The following DCDC2C variants were observed in gnomAD, a reference collection of about 807,000 sequenced individuals.
The protein encoded by DCDC2C is doublecortin domain containing 2C, also known as doublecortin domain-containing protein 2C.
A neutral mutation model predicts 45.0 loss-of-function variants in DCDC2C; 44 were observed. The ratio of observed to expected loss-of-function variants is 0.98; its 90% CI spans 0.77 to 1.26. The LOEUF is 1.26. Among genes scored for constraint, DCDC2C ranks in the 50% most tolerant of loss-of-function variants. The pLI is 0.00. For synonymous variants in DCDC2C, 187 were observed against 178.8 expected, an observed-to-expected ratio of 1.05 and a Z score of -0.37; for missense variants, 447 against 468.9, an observed-to-expected ratio of 0.95 and a Z score of 0.43.
chr2:3,778,794 A>C, intron 8 of DCDC2C, 22 bp from the exon 9 acceptor site: 1 of 1,549,426 alleles, frequency 6.5e-7, no homozygotes. Context: ...AGTTGATAAA[A>C]TGTGGTGTAT....
chr2:3,826,858 T>C (rs941205840), intron 10 of DCDC2C, among the ~76,000 whole-genome samples: 3 of 152,188 alleles, frequency 2.0e-5, no homozygotes, highest in Admixed American at 6.5e-5. Context: ...CCTAATGCCA[T>C]GTGCATTGCA....
intron 6 of DCDC2C, 32 bp downstream of exon 6, chr2:3,754,666 T>C (rs1669640622): frequency 6.5e-7 from 1 of 1,539,148 alleles, no homozygotes; most frequent in African/African-American, 1.4e-5. Context: ...GTAAGTAACT[T>C]GTTTCTGATT....
At chr2:3,787,433 T>C (rs1670684132) in intron 10 of DCDC2C, among the ~76,000 whole-genome samples, 1 of 152,240 alleles carries the variant, frequency 6.6e-6, no homozygotes, top group South Asian at 2.1e-4. Flanking sequence ...ATAAATGCTG[T>C]CTACTGTTGT....
At chr2:3,812,624 T>G (rs1431142284) in intron 10 of DCDC2C, among the ~76,000 whole-genome samples, 3 of 152,178 alleles carry the variant, frequency 2.0e-5, no homozygotes, top group Non-Finnish European at 4.4e-5. Context: ...TTCTGCCACC[T>G]TTTGGATTAG....
At chr2:3,704,875 C>T (rs1253187884) in intron 1 of DCDC2C, among the ~76,000 whole-genome samples, 1 of 152,068 alleles carries the variant, frequency 6.6e-6, no homozygotes, top group Admixed American at 6.5e-5. Context: ...TATTGCCCTC[C>T]CACGGTTTGT....
chr2:3,767,767 GA>G lies in DCDC2C; in HGVS notation c.744del (p.Glu249AsnfsTer31), dbSNP rs1670051979. 1 of 1,550,560 alleles carries G rather than the reference GA, an allele frequency of 6.4e-7. No homozygotes were observed. The highest frequency in any genetic ancestry group is 1.4e-5 in the African/African-American group (1 of 72,980). On this transcript the variant is annotated frameshift_variant, in exon 7 of 11. Transcript: ENST00000399143. LOFTEE classifies it high-confidence loss of function. ...SQRKKKVDSK[G>X]KEPCKYDGIP... ...TTTGTCCTGTAGGTGGACTCCAAAG[GA>G]AAAGAACCTTGTAAATATGATGGCA...
chr2:3,711,984 T>A (rs1488772104), intron 2 of DCDC2C, among the ~76,000 whole-genome samples: 1 of 152,184 alleles, frequency 6.6e-6, no homozygotes, highest in Non-Finnish European at 1.5e-5. Context: ...CATTTCCTTT[T>A]GTGGAAGTAG....
chr2:3,825,972 C>T (rs1406302606), intron 10 of DCDC2C, among the ~76,000 whole-genome samples: 1 of 152,188 alleles, frequency 6.6e-6, no homozygotes, highest in African/African-American at 2.4e-5. Flanking sequence ...AGAGTTTCAG[C>T]TGCTAACACT....
intron 3 of DCDC2C, among the ~76,000 whole-genome samples, chr2:3,736,295 C>A (rs1418253884): frequency 6.6e-6 from 1 of 152,102 alleles, no homozygotes; most frequent in Non-Finnish European, 1.5e-5. Context: ...AGGGGTCCCA[C>A]AGAAATGTTT....
At position 3,767,606 on chromosome 2, in the gene DCDC2C, C is replaced by T. The variant is rs1486700089; in HGVS notation, c.727-148C>T. ...GTAATAGAGCAGAAGAGGTTGCATT[C>T]GAAGTGAGGCTTCTTGGAGGTGCCT... On this transcript the variant is annotated intron_variant, in intron 6 of 10. Transcript: ENST00000399143. 2.2e-5 allele frequency: 18 copies of T among 812,630 alleles called. 1 individual carries two copies. In the South Asian group the frequency reaches 2.3e-4, roughly 10 times the overall value. 50.3% of individuals were successfully genotyped at this position (812,630 alleles called of 1,614,324 possible). A position where few individuals can be genotyped will look rare whatever the true frequency, so the allele number is the denominator to read the frequency against.
At chr2:3,738,878 T>G (rs1487692539) in intron 3 of DCDC2C, among the ~76,000 whole-genome samples, 1 of 152,214 alleles carries the variant, frequency 6.6e-6, no homozygotes, top group Non-Finnish European at 1.5e-5. Flanking sequence ...TATCACAGAC[T>G]TCCAGGGAAA....
At chr2:3,780,342 G>A (rs1670476914) in intron 9 of DCDC2C, among the ~76,000 whole-genome samples, 1 of 152,196 alleles carries the variant, frequency 6.6e-6, no homozygotes, top group Non-Finnish European at 1.5e-5. Context: ...GGTGTCCCCT[G>A]AATCCCTTGT....
chr2:3,843,376 G>T (rs1672259391), intron 10 of DCDC2C, among the ~76,000 whole-genome samples: 1 of 152,122 alleles, frequency 6.6e-6, no homozygotes, highest in Admixed American at 6.5e-5. Flanking sequence ...GGGGAAGGCA[G>T]TGTGTGAATG....
At chr2:3,809,190 CT>C (rs1334732601) in intron 10 of DCDC2C, among the ~76,000 whole-genome samples, 1 of 152,118 alleles carries the variant, frequency 6.6e-6, no homozygotes. Context: ...TTTATTCTTC[CT>C]TTTCAACATT....
intron 2 of DCDC2C, among the ~76,000 whole-genome samples, chr2:3,717,048 T>C (rs1668369304): frequency 6.6e-6 from 1 of 152,084 alleles, no homozygotes; most frequent in South Asian, 2.1e-4. Context: ...CTGAAGCTCT[T>C]CTCTTCTCAT....
chr2:3,819,094 C>T (rs1321347585), intron 10 of DCDC2C, among the ~76,000 whole-genome samples: 1 of 152,200 alleles, frequency 6.6e-6, no homozygotes, highest in Admixed American at 6.5e-5. Context: ...GACTTACCCT[C>T]CACTCTAAGA....
intron 10 of DCDC2C, among the ~76,000 whole-genome samples, chr2:3,792,664 C>T (rs1670845167): frequency 6.6e-6 from 1 of 152,106 alleles, no homozygotes; most frequent in African/African-American, 2.4e-5. Context: ...ATTTTCATTT[C>T]TGGGAAGGCT....
intron 10 of DCDC2C, among the ~76,000 whole-genome samples, chr2:3,785,422 G>A (rs896458949): frequency 6.0e-5 from 9 of 149,692 alleles, no homozygotes; most frequent in Non-Finnish European, 1.2e-4. Flanking sequence ...TGGAAAACGC[G>A]TTTGAATTAT....
Position 3,762,162 on chromosome 2 carries a change from C to CT in DCDC2C, c.727-5577dup, listed in dbSNP as rs56067833. Among the ~76,000 whole-genome samples the CT allele has an allele frequency of 6.5e-3, 830 of 127,672 alleles. 16 individuals are homozygous for CT. The highest frequency in any genetic ancestry group is 0.021 in the African/African-American group (732 of 34,950). The allele number at this position is 127,672 out of a possible 152,430, so 83.8% of individuals were successfully genotyped here. A position where few individuals can be genotyped will look rare whatever the true frequency, so the allele number is the denominator to read the frequency against. Reference sequence around the variant, plus strand: ...TTGATCCATGTTTTCTTGCTTGAACCTTTTTTTTTTTTTTTAACCAAGTGC... The same window carrying CT: ...TTGATCCATGTTTTCTTGCTTGAACCTTTTTTTTTTTTTTTTAACCAAGTGC... On this transcript the variant is annotated intron_variant, in intron 6 of 10. Transcript: ENST00000399143.
Sources: gnomAD v4.1 joint callset for allele counts (sites outside exome capture counted in the v4.1 genomes callset) on GRCh38, gnomAD v4.1.1 for gene constraint, MANE v1.5 for transcripts, NCBI Gene and HGNC (gene_info 2026-07-23, HGNC 2026-07-21) for gene names.